PLCL2: variants seen among roughly 807,000 people sequenced by gnomAD.
PLCL2 encodes the protein inactive phospholipase C-like protein 2.
In PLCL2, 4 loss-of-function variants were observed where a neutral mutation model predicts 79.6. The ratio of observed to expected loss-of-function variants is 0.05; its 90% CI spans 0.02 to 0.11. The LOEUF (loss-of-function observed/expected upper bound fraction) is 0.11, where lower values mean the gene tolerates loss of function less well. Ranked by LOEUF, PLCL2 falls within the 10% of genes least tolerant of loss-of-function variation. PLCL2 has a pLI of 1.00. For synonymous variants in PLCL2, 484 were observed against 457.7 expected, an observed-to-expected ratio of 1.06 and a Z score of -0.73; for missense variants, 895 against 1,291.0, an observed-to-expected ratio of 0.69 and a Z score of 4.70.
intron 1 of PLCL2, among the ~76,000 whole-genome samples, chr3:16,897,035 A>G (rs1373101919): frequency 6.6e-6 from 1 of 152,232 alleles, no homozygotes; most frequent in South Asian, 2.1e-4. Context: ...TAGATATGAG[A>G]GAACAAACAG....
At chr3:16,951,227 G>T (rs192151813) in intron 1 of PLCL2, among the ~76,000 whole-genome samples, 51 of 152,072 alleles carry the variant, frequency 3.4e-4, no homozygotes, top group African/African-American at 1.1e-3. Flanking sequence ...TTAAGAGGTA[G>T]ATCTTTGAGC....
chr3:17,012,270 A>G (rs1419869048), intron 2 of PLCL2, 110 bp downstream of exon 2: 9 of 963,730 alleles, frequency 9.3e-6, no homozygotes, highest in Non-Finnish European at 1.3e-5. Context: ...TAGTTTTTAA[A>G]TTCTGATTAG....
chr3:17,003,016 C>T (rs971531880), intron 1 of PLCL2, among the ~76,000 whole-genome samples: 2 of 151,928 alleles, frequency 1.3e-5, no homozygotes, highest in Non-Finnish European at 2.9e-5. Context: ...CCACTTTTTC[C>T]ACTAGATCTT....
chr3:16,973,916 G>A (rs2063898410), intron 1 of PLCL2, among the ~76,000 whole-genome samples: 1 of 152,216 alleles, frequency 6.6e-6, no homozygotes, highest in African/African-American at 2.4e-5. Context: ...GAGGTATATG[G>A]TATTGTGAGA....
At chr3:17,030,865 T>C (rs1347413827) in intron 3 of PLCL2, among the ~76,000 whole-genome samples, 1 of 152,218 alleles carries the variant, frequency 6.6e-6, no homozygotes, top group Non-Finnish European at 1.5e-5. Flanking sequence ...TAAATTACCT[T>C]CTGTTAATTA....
chr3:16,997,750 G>A (rs1204484136), intron 1 of PLCL2, among the ~76,000 whole-genome samples: 1 of 151,998 alleles, frequency 6.6e-6, no homozygotes, highest in African/African-American at 2.4e-5. Flanking sequence ...GTATTAGCCA[G>A]GATGGTCTTG....
chr3:17,056,861 A>G (rs1287873908), intron 4 of PLCL2, among the ~76,000 whole-genome samples: 1 of 152,194 alleles, frequency 6.6e-6, no homozygotes, highest in East Asian at 1.9e-4. Context: ...TTGTTAGGAA[A>G]GGAGGTGGAG....
chr3:16,998,505 T>A (rs1466099000), intron 1 of PLCL2, among the ~76,000 whole-genome samples: 1 of 152,198 alleles, frequency 6.6e-6, no homozygotes, highest in East Asian at 1.9e-4. Context: ...GCCACTTAAG[T>A]ACCATTATAA....
At chr3:16,954,796 G>C (rs1311281222) in intron 1 of PLCL2, among the ~76,000 whole-genome samples, 3 of 152,152 alleles carry the variant, frequency 2.0e-5, no homozygotes, top group East Asian at 3.9e-4. Context: ...AGCATTTTTT[G>C]GTGTGTTTTT....
At chr3:17,020,383 G>C (rs1040046274) in intron 3 of PLCL2, among the ~76,000 whole-genome samples, 4 of 152,224 alleles carry the variant, frequency 2.6e-5, no homozygotes, top group South Asian at 4.1e-4. Context: ...AAGGAGAGAA[G>C]AGGAAAAAAA....
chr3:16,957,546 T>C (rs1423185805), intron 1 of PLCL2, among the ~76,000 whole-genome samples: 1 of 152,188 alleles, frequency 6.6e-6, no homozygotes, highest in Non-Finnish European at 1.5e-5. Context: ...CTGTTAGGTC[T>C]GCTTGGTGCA....
intron 1 of PLCL2, among the ~76,000 whole-genome samples, chr3:16,956,137 C>A (rs898045436): frequency 2.6e-5 from 4 of 152,070 alleles, no homozygotes; most frequent in Admixed American, 2.6e-4. Context: ...CCAGTTTTTG[C>A]CCATTCAGTA....
intron 3 of PLCL2, among the ~76,000 whole-genome samples, chr3:17,018,726 A>G (rs2064413117): frequency 6.6e-6 from 1 of 152,236 alleles, no homozygotes; most frequent in South Asian, 2.1e-4. Context: ...GTTGTTTTGA[A>G]GTGGCATATA....
intron 1 of PLCL2, among the ~76,000 whole-genome samples, chr3:16,922,086 T>C (rs1300140555): frequency 6.6e-6 from 1 of 152,200 alleles, no homozygotes; most frequent in African/African-American, 2.4e-5. Flanking sequence ...TACTTTTTAA[T>C]AGTTATGAAC....
At chr3:16,966,778 C>T (rs1194472185) in intron 1 of PLCL2, among the ~76,000 whole-genome samples, 1 of 152,052 alleles carries the variant, frequency 6.6e-6, no homozygotes, top group Non-Finnish European at 1.5e-5. Context: ...TTATCCATTT[C>T]TTCTAGATTT....
intron 1 of PLCL2, among the ~76,000 whole-genome samples, chr3:17,007,786 T>A (rs2064278732): frequency 6.6e-6 from 1 of 152,238 alleles, no homozygotes; most frequent in Non-Finnish European, 1.5e-5. Flanking sequence ...TGCCTTTGGA[T>A]AATATTCAAC....
intron 1 of PLCL2, among the ~76,000 whole-genome samples, chr3:16,952,128 A>G (rs1209934737): frequency 1.3e-5 from 2 of 151,900 alleles, no homozygotes; most frequent in Non-Finnish European, 2.9e-5. Context: ...GAGTTGAACA[A>G]TGAGAACACA....
chr3:17,073,598 T>C (rs138854668), intron 5 of PLCL2, among the ~76,000 whole-genome samples: 146 of 152,340 alleles, frequency 9.6e-4, no homozygotes, highest in Middle Eastern at 3.4e-3. Flanking sequence ...CGTGCAATGC[T>C]GTTCAGTAGC....
chr3:16,896,668 C>T (rs530992871), intron 1 of PLCL2, among the ~76,000 whole-genome samples: 34 of 152,174 alleles, frequency 2.2e-4, no homozygotes, highest in Non-Finnish European at 4.3e-4. Context: ...TCCAGATATA[C>T]GGACAAAATG....
Sources: gnomAD v4.1 joint callset for allele counts (sites outside exome capture counted in the v4.1 genomes callset) on GRCh38, gnomAD v4.1.1 for gene constraint, MANE v1.5 for transcripts, NCBI Gene and HGNC (gene_info 2026-07-23, HGNC 2026-07-21) for gene names.